The following CCDC57 variants were observed in gnomAD, a reference collection of about 807,000 sequenced individuals.
CCDC57 encodes coiled-coil domain containing 57.
Under a neutral mutation model 118.9 loss-of-function variants are expected in CCDC57, and 118 were observed. The observed-to-expected ratio is 0.99, with a 90% CI of 0.86 to 1.16. The LOEUF (loss-of-function observed/expected upper bound fraction) is 1.16. Ranked by LOEUF, CCDC57 falls within the 50% of genes most tolerant of loss-of-function variation. The pLI, the probability that CCDC57 is intolerant of heterozygous loss-of-function variation, is 0.00. For missense variants in CCDC57, 1,300 were observed against 1,320.7 expected, an observed-to-expected ratio of 0.98 and a Z score of 0.24; for synonymous variants, 527 against 532.9, an observed-to-expected ratio of 0.99 and a Z score of 0.15.
rs1353306208 is a variant in CCDC57, at chr17:82,141,918, G to A, written c.2456-7724C>T. On this transcript the variant is annotated intron_variant, in intron 16 of 19. Transcript: ENST00000665763. Reference sequence around the variant, plus strand: ...GCGTCCAGCCCCTCATTGTCTTTGCGATTTGAGCTGCTTTGCGATTTTACC... The same window carrying A: ...GCGTCCAGCCCCTCATTGTCTTTGCAATTTGAGCTGCTTTGCGATTTTACC... 2.0e-5 allele frequency among the ~76,000 whole-genome samples: 3 copies of A among 152,154 alleles called. No homozygotes were observed. In the South Asian group the frequency reaches 6.2e-4, roughly 32 times the overall value.
At chr17:82,199,546 A>C (rs1214622069) in intron 3 of CCDC57, among the ~76,000 whole-genome samples, 1 of 151,902 alleles carries the variant, frequency 6.6e-6, no homozygotes, top group Admixed American at 6.6e-5. Context: ...AGGTTTGGAG[A>C]GAAGAATGAG....
chr17:82,183,017 T>G (rs897849059), intron 9 of CCDC57, among the ~76,000 whole-genome samples: 3 of 152,178 alleles, frequency 2.0e-5, no homozygotes, highest in African/African-American at 7.2e-5. Flanking sequence ...CAGAACTCAC[T>G]TACTATCATA....
Position 82,151,193 on chromosome 17 carries a change from C to G in CCDC57, c.2455+367G>C, listed in dbSNP as rs1263490655. ...CCCAGAACCAGGCGCACACCCAGAA[C>G]CAGGCGCACATCCAGAACCTGACCC... On this transcript the variant is annotated intron_variant, in intron 16 of 19. Transcript: ENST00000665763. Among the ~76,000 whole-genome samples, 8 of 142,422 alleles carry G rather than the reference C, an allele frequency of 5.6e-5. 1 individual carries two copies. Among genetic ancestry groups the G allele is most frequent in the Non-Finnish European group, 7.6e-5 (5 of 65,512 alleles). The allele number at this position is 142,422 out of a possible 152,430, so 93.4% of individuals were successfully genotyped here.
chr17:82,139,832 G>A (rs2039778349), intron 16 of CCDC57, among the ~76,000 whole-genome samples: 2 of 152,208 alleles, frequency 1.3e-5, no homozygotes, highest in African/African-American at 4.8e-5. Flanking sequence ...GTCTCTAGTC[G>A]AGAAGCAGAT....
intron 19 of CCDC57, among the ~76,000 whole-genome samples, chr17:82,104,374 G>A (rs1321054606): frequency 6.6e-6 from 1 of 152,192 alleles, no homozygotes; most frequent in Non-Finnish European, 1.5e-5. Context: ...GAAAGTTCCT[G>A]AAACATCCAA....
At chr17:82,204,891 G>A (rs2049427500) in intron 2 of CCDC57, among the ~76,000 whole-genome samples, 1 of 152,238 alleles carries the variant, frequency 6.6e-6, no homozygotes, top group African/African-American at 2.4e-5. Flanking sequence ...TGTGTGGCAG[G>A]TGCCGCTCTG....
At chr17:82,143,943 CAAA>C (rs60893321) in intron 16 of CCDC57, among the ~76,000 whole-genome samples, 158 of 120,906 alleles carry the variant, frequency 1.3e-3, no homozygotes, top group Middle Eastern at 4.0e-3. Flanking sequence ...ACTAAAAATA[CAAA>C]AAAAAAAAAA....
At chr17:82,202,904 G>A (rs1057497860) in intron 2 of CCDC57, among the ~76,000 whole-genome samples, 1 of 152,272 alleles carries the variant, frequency 6.6e-6, no homozygotes, top group East Asian at 1.9e-4. Context: ...AACTAAGGCT[G>A]CTAAGTGGCT....
At chr17:82,103,682 T>C (rs12150321) in intron 19 of CCDC57, among the ~76,000 whole-genome samples, 73,290 of 151,984 alleles carry the variant, frequency 0.48, 18,336 homozygotes, top group Non-Finnish European at 0.54. Flanking sequence ...ACAAAGCCTG[T>C]GGGGATTTTC....
intron 15 of CCDC57, 159 bp from the exon 15 acceptor site, chr17:82,151,932 C>T (rs2145862656): frequency 1.6e-6 from 1 of 621,064 alleles, no homozygotes; most frequent in Middle Eastern, 4.3e-4. Context: ...AAAAGAGTCG[C>T]TGCTCCCAGT....
chr17:82,179,298 G>A lies in CCDC57; in HGVS notation c.1212-109C>T, dbSNP rs528041904. 1.1e-4 allele frequency: 137 copies of A among 1,201,136 alleles called. 1 individual carries two copies. Among genetic ancestry groups the A allele is most frequent in the Non-Finnish European group, 1.5e-4 (133 of 867,196 alleles). The allele number at this position is 1,201,136 out of a possible 1,614,324, so 74.4% of individuals were successfully genotyped here. On this transcript the variant is annotated intron_variant, in intron 9 of 19. Transcript: ENST00000665763. ...GGCTGCCGCTGTCCCTCCTGCTCTC[G>A]CATGGCCTGCGCTGGGCTGACATGC...
At chr17:82,121,563 G>A (rs1192309437) in intron 19 of CCDC57, among the ~76,000 whole-genome samples, 1 of 152,222 alleles carries the variant, frequency 6.6e-6, no homozygotes, top group Non-Finnish European at 1.5e-5. Context: ...AAAAGATTCA[G>A]GAGAGAGAGG....
chr17:82,173,979 C>T (rs1387198112), intron 11 of CCDC57, among the ~76,000 whole-genome samples: 1 of 152,236 alleles, frequency 6.6e-6, no homozygotes, highest in Admixed American at 6.5e-5. Context: ...GAACACCAGA[C>T]ACATTAGAGG....
intron 8 of CCDC57, among the ~76,000 whole-genome samples, chr17:82,184,375 T>G (rs534781298): frequency 6.6e-6 from 1 of 152,270 alleles, no homozygotes; most frequent in Non-Finnish European, 1.5e-5. Flanking sequence ...GCAGAGACAT[T>G]CAGCACATTT....
At position 82,151,661 on chromosome 17, in the gene CCDC57, T is replaced by A. The variant is rs780250549; in HGVS notation, c.2354A>T (p.Lys785Met). The change falls in exon 16 of 20, where the codon AAG (lysine) becomes ATG (methionine). Residue 785 changes from lysine (K) to methionine (M), a missense_variant. Coordinates refer to ENST00000665763, the Ensembl canonical transcript of CCDC57. ...GATTTTTCTGGCTGCCTCCTTCAGC[T>A]TTCTCTGGAGTCGGTGCATAGATAA... is the stretch of plus-strand genomic sequence containing the variant. 14 of 1,550,420 alleles carry A rather than the reference T, an allele frequency of 9.0e-6. No individual in the cohort carries two copies. The South Asian group carries it at 1.7e-4, about 18-fold the overall frequency.
chr17:82,179,309 G>A (rs1749528088), intron 9 of CCDC57, 120 bp from the exon 9 acceptor site: 4 of 1,102,196 alleles, frequency 3.6e-6, no homozygotes, highest in Middle Eastern at 2.5e-4. Context: ...CATGGCCTGC[G>A]CTGGGCTGAC....
intron 16 of CCDC57, among the ~76,000 whole-genome samples, chr17:82,148,128 T>TGGAG: frequency 2.1e-4 from 1 of 4,812 alleles, no homozygotes. Context: ...GATGGTTAGA[T>TGGAG]GGATGGATGG....
At chr17:82,103,109 C>T (rs974524130) in intron 19 of CCDC57, among the ~76,000 whole-genome samples, 4 of 152,186 alleles carry the variant, frequency 2.6e-5, no homozygotes, top group African/African-American at 7.2e-5. Context: ...GACTGGGAAG[C>T]GTCTGTGCTT....
In CCDC57 at chr17:82,194,063, T is replaced by C. The variant is rs886311829; in HGVS notation, c.695A>G (p.Glu232Gly). ...CCTCTCCAGCTCGGCGTTGGTGGCC[T>C]CTGCCCTCTGCAGACTCTCTGCAGC... Residue 232 changes from glutamate (E) to glycine (G), a missense_variant, in exon 6 of 20, where the codon GAG (glutamate) becomes GGG (glycine). Glu to Gly is a moderately conservative substitution (Grantham distance 98, BLOSUM62 -2). Transcript: ENST00000665763. 8.1e-6 allele frequency: 13 copies of C among 1,613,820 alleles called. No individual in the cohort carries two copies. Among genetic ancestry groups the C allele is most frequent in the African/African-American group, 1.3e-5 (1 of 74,954 alleles).
Sources: allele counts gnomAD v4.1 joint callset (sites outside exome capture counted in the v4.1 genomes callset), GRCh38; gene constraint gnomAD v4.1.1; transcripts MANE v1.5; gene names NCBI Gene and HGNC (gene_info 2026-07-23, HGNC 2026-07-21).